KATNIP: variants seen among roughly 807,000 people sequenced by gnomAD.
KATNIP encodes katanin interacting protein.
A neutral mutation model predicts 174.0 loss-of-function variants in KATNIP; 126 were observed. The observed-to-expected ratio is 0.72, with a 90% CI of 0.63 to 0.84. KATNIP has a LOEUF of 0.84. KATNIP is among the 40% of genes least tolerant of loss of function. The pLI is 0.00. For missense variants in KATNIP, 1,958 were observed against 2,109.7 expected, an observed-to-expected ratio of 0.93 and a Z score of 1.41; for synonymous variants, 810 against 835.7, an observed-to-expected ratio of 0.97 and a Z score of 0.53.
At chr16:27,584,739 C>A (rs1297710450) in intron 2 of KATNIP, among the ~76,000 whole-genome samples, 11 of 151,142 alleles carry the variant, frequency 7.3e-5, no homozygotes, top group Admixed American at 5.9e-4. Context: ...TGCAGTGAGC[C>A]AAGATTGTGC....
At chr16:27,648,816 T>TC (rs2077039385) in intron 6 of KATNIP, 81 bp downstream of exon 6, 1 of 1,460,782 alleles carries the variant, frequency 6.8e-7, no homozygotes, top group Admixed American at 2.0e-5. Flanking sequence ...CGGGGCACTT[T>TC]CTGACAGTTA....
At chr16:27,745,129 T>A (rs1780841349) in intron 15 of KATNIP, among the ~76,000 whole-genome samples, 3 of 151,946 alleles carry the variant, frequency 2.0e-5, no homozygotes, top group Non-Finnish European at 4.4e-5. Context: ...TCATCAGGGG[T>A]CAGTTGTTTA....
chr16:27,709,144 C>A, intron 13 of KATNIP: 2 of 468,136 alleles, frequency 4.3e-6, no homozygotes, highest in Non-Finnish European at 7.6e-6. Context: ...CAAGGCAAAA[C>A]CCTGTCTCTA....
intron 5 of KATNIP, among the ~76,000 whole-genome samples, chr16:27,644,033 T>G (rs2076884895): frequency 6.6e-6 from 1 of 150,742 alleles, no homozygotes; most frequent in Non-Finnish European, 1.5e-5. Flanking sequence ...TTTTTTTTTT[T>G]TTTTTTTAAG....
chr16:27,590,895 T>G (rs1429516576), intron 2 of KATNIP, among the ~76,000 whole-genome samples: 1 of 152,198 alleles, frequency 6.6e-6, no homozygotes, highest in Non-Finnish European at 1.5e-5. Flanking sequence ...GTGGCACCCC[T>G]TTTTATTTTC....
chr16:27,669,503 A>T (rs1190185171), intron 6 of KATNIP, among the ~76,000 whole-genome samples: 3 of 152,206 alleles, frequency 2.0e-5, no homozygotes, highest in African/African-American at 7.2e-5. Context: ...ATGTTTTTTC[A>T]GAGAAATTTC....
chr16:27,555,928 G>C (rs2089606300), intron 1 of KATNIP, among the ~76,000 whole-genome samples: 1 of 152,014 alleles, frequency 6.6e-6, no homozygotes, highest in African/African-American at 2.4e-5. Context: ...AGGAGTTCAA[G>C]ACCAGCCTGG....
At chr16:27,597,402 CTTTTTTTT>C (rs36005993) in intron 2 of KATNIP, among the ~76,000 whole-genome samples, 5 of 46,148 alleles carry the variant, frequency 1.1e-4, no homozygotes, top group African/African-American at 3.4e-4. Flanking sequence ...ATTTTCTTTT[CTTTTTTTT>C]TTTTTTTTTT....
intron 1 of KATNIP, among the ~76,000 whole-genome samples, chr16:27,560,697 C>T (rs1288706045): frequency 6.6e-6 from 1 of 152,208 alleles, no homozygotes; most frequent in Non-Finnish European, 1.5e-5. Context: ...GCAGAATTAG[C>T]TACTCCCCCA....
chr16:27,694,932 A>G (rs560294242), intron 8 of KATNIP, among the ~76,000 whole-genome samples: 1 of 152,252 alleles, frequency 6.6e-6, no homozygotes, highest in East Asian at 1.9e-4. Flanking sequence ...CTTGTCCCAA[A>G]TTGAGCCCTC....
At chr16:27,591,299 C>G (rs761207569) in intron 2 of KATNIP, among the ~76,000 whole-genome samples, 11 of 152,076 alleles carry the variant, frequency 7.2e-5, no homozygotes, top group Non-Finnish European at 1.3e-4. Flanking sequence ...ATTCTCCTGC[C>G]CCAGCCTCCT....
At chr16:27,720,293 G>A (rs2080164865) in intron 13 of KATNIP, among the ~76,000 whole-genome samples, 1 of 151,606 alleles carries the variant, frequency 6.6e-6, no homozygotes, top group African/African-American at 2.4e-5. Flanking sequence ...GTTTCTCTGT[G>A]TTGGCCAGGC....
intron 2 of KATNIP, chr16:27,574,386 TCTC>T (rs2090412498): frequency 4.9e-6 from 1 of 204,022 alleles, no homozygotes; most frequent in Non-Finnish European, 1.0e-5. Flanking sequence ...GTGCCTCAGT[TCTC>T]CTCCACACCT....
Position 27,740,428 on chromosome 16 carries a change from A to G in KATNIP, c.2131A>G (p.Met711Val), listed in dbSNP as rs534808697. 2.0e-5 allele frequency: 33 copies of G among 1,614,038 alleles called. No homozygotes were observed. The South Asian group carries it at 3.5e-4, about 17-fold the overall frequency. The change falls in exon 15 of 28, where the codon ATG becomes GTG. Residue 711 changes from methionine to valine, a missense_variant. Around this residue, in one of 3 missense-constraint regions of KATNIP, gnomAD observed 1,557 missense variants for 1,617.8 expected, o/e 0.96. Coordinates refer to ENST00000261588, the MANE Select transcript of KATNIP (RefSeq NM_015202.5). Reference protein sequence around the residue: ...LSAVPTSMGDMPSAPATSPPV... With the variant: ...LSAVPTSMGDVPSAPATSPPV... Reference sequence around the variant, plus strand: ...GGCAGTCCCCACTTCGATGGGTGACATGCCCAGTGCTCCTGCCACTTCCCC... The same window carrying G: ...GGCAGTCCCCACTTCGATGGGTGACGTGCCCAGTGCTCCTGCCACTTCCCC...
chr16:27,776,022 A>G lies in KATNIP; in HGVS notation c.4450-906A>G, dbSNP rs1016632658. The stretch of plus-strand genomic sequence containing the variant: ...GGCCAGCGGGTATTTTCCATTGTCT[A>G]GCACTGGAAGGCCTTTTGGGGTGCG... On this transcript the variant is annotated intron_variant, in intron 24 of 27. Transcript: ENST00000261588. The surrounding 1 kb of genome is among the most constrained non-coding windows in gnomAD (Gnocchi z 4.7). 6.6e-6 allele frequency among the ~76,000 whole-genome samples: 1 copy of G among 152,138 alleles called. No individual in the cohort carries two copies. The highest frequency in any genetic ancestry group is 1.9e-4 in the East Asian group (1 of 5,188).
At chr16:27,570,676 C>G (rs1297128621) in intron 1 of KATNIP, among the ~76,000 whole-genome samples, 1 of 152,072 alleles carries the variant, frequency 6.6e-6, no homozygotes, top group African/African-American at 2.4e-5. Context: ...CATCTTGGGT[C>G]CCAGTCTACC....
intron 2 of KATNIP, among the ~76,000 whole-genome samples, chr16:27,589,397 A>G (rs560185134): frequency 2.2e-4 from 33 of 152,372 alleles, no homozygotes; most frequent in Non-Finnish European, 3.8e-4. Context: ...AAAAGCAGCC[A>G]TAGTCAATAT....
At chr16:27,714,599 A>G (rs963739503) in intron 13 of KATNIP, among the ~76,000 whole-genome samples, 2 of 152,210 alleles carry the variant, frequency 1.3e-5, no homozygotes, top group African/African-American at 4.8e-5. Context: ...GGGGGAGAAG[A>G]TTAAAATTAC....
chr16:27,778,736 A>T lies in KATNIP; in HGVS notation c.*107A>T. 1 of 1,191,828 alleles carries T rather than the reference A, an allele frequency of 8.4e-7. No homozygotes were observed. Among genetic ancestry groups the T allele is most frequent in the South Asian group, 1.4e-5 (1 of 70,592 alleles). 73.8% of individuals were successfully genotyped at this position (1,191,828 alleles called of 1,614,324 possible). ...CAGTCCCAGGAGCTGGAAGCGAACC[A>T]CAGTGTTGAGGGGAGCCCGCTGGGA... On this transcript the variant is annotated 3_prime_UTR_variant, in exon 28 of 28. Coordinates refer to ENST00000261588, the MANE Select transcript of KATNIP (RefSeq NM_015202.5).
Sources: allele counts gnomAD v4.1 joint callset (sites outside exome capture counted in the v4.1 genomes callset), GRCh38; gene constraint gnomAD v4.1.1; regional missense constraint gnomAD v4.1.1; non-coding constraint Gnocchi (gnomAD v3.1); transcripts MANE v1.5; gene names NCBI Gene and HGNC (gene_info 2026-07-23, HGNC 2026-07-21).